Variants in GPC5 observed in about 807,000 individuals in gnomAD.
GPC5 encodes glypican 5, also known as glypican-5.
GPC5 carries 47 observed loss-of-function variants against 53.9 expected under a neutral mutation model. That is an observed-to-expected ratio of 0.87 (90% CI 0.69 to 1.11). The LOEUF is 1.11. Ranked by LOEUF, GPC5 falls within the 50% of genes most tolerant of loss-of-function variation. GPC5 has a pLI of 0.00. For synonymous variants in GPC5, 286 were observed against 263.3 expected (o/e 1.09, Z -0.84); for missense variants, 748 against 713.1 (o/e 1.05, Z -0.56).
intron 7 of GPC5, among the ~76,000 whole-genome samples, chr13:92,740,689 T>A (rs1445997427): frequency 6.6e-6 from 1 of 151,938 alleles, no homozygotes; most frequent in African/African-American, 2.4e-5. Context: ...TTTGGTAGGA[T>A]GTCTACACAT....
intron 7 of GPC5, among the ~76,000 whole-genome samples, chr13:92,669,410 C>T (rs532441527): frequency 2.5e-4 from 38 of 152,274 alleles, no homozygotes; most frequent in African/African-American, 8.9e-4. Context: ...CTTACACACA[C>T]ATACACTTAC....
intron 2 of GPC5, among the ~76,000 whole-genome samples, chr13:91,651,654 G>T (rs904200399): frequency 1.3e-5 from 2 of 150,622 alleles, no homozygotes; most frequent in African/African-American, 2.5e-5. Flanking sequence ...GGAGGCGGAG[G>T]TTGCAGTGAG....
intron 7 of GPC5, among the ~76,000 whole-genome samples, chr13:92,167,148 C>T (rs1194843512): frequency 1.3e-5 from 2 of 151,824 alleles, no homozygotes; most frequent in East Asian, 3.9e-4. Flanking sequence ...CATCTAAGAC[C>T]CTAAAATATT....
At chr13:92,250,579 G>A (rs1335993084) in intron 7 of GPC5, among the ~76,000 whole-genome samples, 1 of 152,072 alleles carries the variant, frequency 6.6e-6, no homozygotes, top group African/African-American at 2.4e-5. Flanking sequence ...GCCATTCCAT[G>A]GAGAGGCTCA....
At chr13:91,805,517 A>G (rs2138788480) in intron 5 of GPC5, among the ~76,000 whole-genome samples, 1 of 152,320 alleles carries the variant, frequency 6.6e-6, no homozygotes, top group Non-Finnish European at 1.5e-5. Flanking sequence ...GTATCTCGCA[A>G]CACACAAGAC....
intron 5 of GPC5, among the ~76,000 whole-genome samples, chr13:91,781,830 A>G (rs550991325): frequency 1.3e-5 from 2 of 152,308 alleles, no homozygotes; most frequent in East Asian, 3.9e-4. Context: ...TACTATAAAC[A>G]ATAAACTTCC....
intron 5 of GPC5, among the ~76,000 whole-genome samples, chr13:91,801,245 T>A (rs1478535515): frequency 8.2e-6 from 1 of 121,870 alleles, no homozygotes; most frequent in Non-Finnish European, 1.8e-5. Flanking sequence ...CCCTGTGACA[T>A]CCATACTTTG....
rs2040453209 is a variant in GPC5 at position 91,991,204 on chromosome 13, T to C, written c.1401+83147T>C. Among the ~76,000 whole-genome samples the C allele has an allele frequency of 2.0e-5, 3 of 152,224 alleles. No homozygotes were observed. The South Asian group carries it at 6.2e-4, about 32-fold the overall frequency. ...AATCATTGTATTTGTAAATTTCACT[T>C]ACCACCTTTCACAGCCCTCCTTGTA... On this transcript the variant is annotated intron_variant, in intron 6 of 7. Coordinates refer to ENST00000377067, the MANE Select transcript of GPC5 (RefSeq NM_004466.6).
At chr13:91,473,546 T>C (rs1882759401) in intron 2 of GPC5, among the ~76,000 whole-genome samples, 1 of 152,148 alleles carries the variant, frequency 6.6e-6, no homozygotes, top group Non-Finnish European at 1.5e-5. Flanking sequence ...TGTAAAATTG[T>C]TGTACCAAAT....
chr13:91,958,279 G>GAA (rs59523811), intron 6 of GPC5, among the ~76,000 whole-genome samples: 29 of 141,302 alleles, frequency 2.1e-4, no homozygotes, highest in East Asian at 6.1e-4. Flanking sequence ...ACTGTAAAAA[G>GAA]AAAAAAAAAA....
intron 7 of GPC5, among the ~76,000 whole-genome samples, chr13:92,250,301 G>A (rs118071553): frequency 9.5e-4 from 144 of 152,184 alleles, no homozygotes; most frequent in East Asian, 8.9e-3. Context: ...CTCGTAATAC[G>A]TGCAACTTTC....
At chr13:91,977,302 A>G (rs2040312436) in intron 6 of GPC5, among the ~76,000 whole-genome samples, 3 of 152,200 alleles carry the variant, frequency 2.0e-5, no homozygotes, top group Admixed American at 6.6e-5. Flanking sequence ...ATAAGGATAC[A>G]TGAGTGAAAA....
intron 7 of GPC5, among the ~76,000 whole-genome samples, chr13:92,154,790 G>C (rs899090909): frequency 4.6e-5 from 7 of 152,168 alleles, no homozygotes; most frequent in Admixed American, 2.0e-4. Context: ...TGTTTTACTG[G>C]GAAATGTCAT....
chr13:92,842,244 G>A (rs753506023), intron 7 of GPC5, among the ~76,000 whole-genome samples: 90 of 152,028 alleles, frequency 5.9e-4, no homozygotes, highest in Non-Finnish European at 1.1e-3. Context: ...AGGGATGTTG[G>A]CAGAAACCAA....
At chr13:91,831,018 T>C (rs1199688631) in intron 5 of GPC5, among the ~76,000 whole-genome samples, 2 of 137,884 alleles carry the variant, frequency 1.5e-5, no homozygotes, top group African/African-American at 5.4e-5. Flanking sequence ...ATTATATATA[T>C]AACATATATA....
chr13:91,454,937 C>T (rs1246070765), intron 2 of GPC5, among the ~76,000 whole-genome samples: 1 of 152,020 alleles, frequency 6.6e-6, no homozygotes, highest in African/African-American at 2.4e-5. Flanking sequence ...CAGAGGGAAT[C>T]ATAGAAATGA....
intron 4 of GPC5, among the ~76,000 whole-genome samples, chr13:91,742,344 C>A (rs1401983603): frequency 6.6e-6 from 1 of 152,118 alleles, no homozygotes; most frequent in Non-Finnish European, 1.5e-5. Flanking sequence ...CAGACAAATC[C>A]ATGCAGAATT....
chr13:92,045,979 C>T (rs551607360), intron 6 of GPC5, among the ~76,000 whole-genome samples: 3 of 152,168 alleles, frequency 2.0e-5, no homozygotes, highest in Non-Finnish European at 4.4e-5. Flanking sequence ...AGCGTGGCAG[C>T]AGGAGCCTGT....
intron 7 of GPC5, among the ~76,000 whole-genome samples, chr13:92,753,390 C>T (rs921703586): frequency 6.6e-6 from 1 of 152,172 alleles, no homozygotes; most frequent in African/African-American, 2.4e-5. Flanking sequence ...AAAAACAGAA[C>T]AGAAAAACTG....
Sources: gnomAD v4.1 joint callset for allele counts (sites outside exome capture counted in the v4.1 genomes callset) on GRCh38, gnomAD v4.1.1 for gene constraint, MANE v1.5 for transcripts, NCBI Gene and HGNC (gene_info 2026-07-23, HGNC 2026-07-21) for gene names.